Variants in PRKD1 observed in about 807,000 individuals in gnomAD.
PRKD1 encodes the protein serine/threonine-protein kinase D1.
Under a neutral mutation model 95.9 loss-of-function variants are expected in PRKD1, and 63 were observed. That is an observed-to-expected ratio of 0.66 (90% CI 0.54 to 0.81). The LOEUF (loss-of-function observed/expected upper bound fraction) is 0.81, where lower values mean the gene tolerates loss of function less well. PRKD1 is among the 30% of genes least tolerant of loss of function. The probability of loss-of-function intolerance (pLI) is 0.00; values close to 1 mark genes in which losing one functional copy is unlikely to be tolerated. For missense variants in PRKD1, 1,048 were observed against 1,165.3 expected (o/e 0.90, Z 1.47); for synonymous variants, 425 against 423.1 (o/e 1.00, Z -0.05).
chr14:29,855,062 T>A (rs1228806609), intron 1 of PRKD1, among the ~76,000 whole-genome samples: 1 of 152,226 alleles, frequency 6.6e-6, no homozygotes, highest in Non-Finnish European at 1.5e-5. Flanking sequence ...GAAACTCTGC[T>A]AGTGTAGTGT....
At chr14:29,875,879 C>T (rs1893267971) in intron 1 of PRKD1, among the ~76,000 whole-genome samples, 1 of 152,152 alleles carries the variant, frequency 6.6e-6, no homozygotes, top group Admixed American at 6.5e-5. Flanking sequence ...TATTTCAAGT[C>T]TTCTCCAAGC....
At chr14:29,820,541 C>A (rs1890872023) in intron 1 of PRKD1, among the ~76,000 whole-genome samples, 1 of 152,072 alleles carries the variant, frequency 6.6e-6, no homozygotes, top group African/African-American at 2.4e-5. Flanking sequence ...AAGGGAATTC[C>A]AGGTAAAATC....
intron 1 of PRKD1, among the ~76,000 whole-genome samples, chr14:29,916,924 C>T (rs892729858): frequency 2.0e-5 from 3 of 152,096 alleles, no homozygotes; most frequent in African/African-American, 7.2e-5. Context: ...ACCATGATCT[C>T]CTAACACTCT....
At chr14:29,627,785 T>C (rs1879722556) in intron 11 of PRKD1, among the ~76,000 whole-genome samples, 1 of 152,130 alleles carries the variant, frequency 6.6e-6, no homozygotes, top group South Asian at 2.1e-4. Flanking sequence ...CCCTAGAAAA[T>C]AACTACAAGT....
In PRKD1 at chr14:29,623,173, TA is replaced by T. The variant is rs201410330; in HGVS notation, c.1905+978del. ...GCATTGTGAGTCCTCTGTGCTCCAT[TA>T]GTTGTCCAGAGACACAAAAACATCA... On this transcript the variant is annotated intron_variant, in intron 13 of 17. Coordinates refer to ENST00000331968, the MANE Select transcript of PRKD1 (RefSeq NM_002742.3). 2.9e-3 allele frequency among the ~76,000 whole-genome samples: 436 copies of T among 152,316 alleles called. 1 individual carries two copies. Among genetic ancestry groups the T allele is most frequent in the African/African-American group, 9.2e-3 (383 of 41,570 alleles).
At position 29,765,789 on chromosome 14, in the gene PRKD1, T is replaced by C. The variant is rs913080345; in HGVS notation, c.265-40115A>G. 3.3e-5 allele frequency among the ~76,000 whole-genome samples: 5 copies of C among 152,350 alleles called. No individual in the cohort carries two copies. The East Asian group carries it at 9.6e-4, about 29-fold the overall frequency. On this transcript the variant is annotated intron_variant, in intron 1 of 17. Transcript: ENST00000331968. ...AGTCATTAAAACATCTACAGTACGATTCCTTTTATATAAAATTCAAAAACA... is the reference window on the plus strand; with the variant it reads ...AGTCATTAAAACATCTACAGTACGACTCCTTTTATATAAAATTCAAAAACA...
chr14:29,882,713 C>T (rs1348700129), intron 1 of PRKD1, among the ~76,000 whole-genome samples: 8 of 152,218 alleles, frequency 5.3e-5, no homozygotes, highest in East Asian at 3.8e-4. Context: ...TATTTGACTA[C>T]ACTAGACACC....
intron 1 of PRKD1, among the ~76,000 whole-genome samples, chr14:29,734,443 C>T (rs1207731172): frequency 6.6e-6 from 1 of 151,984 alleles, no homozygotes; most frequent in African/African-American, 2.4e-5. Context: ...TTTGTCTTGG[C>T]AGAACATTAA....
intron 4 of PRKD1, among the ~76,000 whole-genome samples, chr14:29,647,938 C>T (rs1196490469): frequency 6.6e-6 from 1 of 152,196 alleles, no homozygotes; most frequent in African/African-American, 2.4e-5. Context: ...AGAACAAAAG[C>T]AGTTAATCAT....
intron 2 of PRKD1, among the ~76,000 whole-genome samples, chr14:29,722,219 A>G (rs148273514): frequency 2.7e-3 from 410 of 152,334 alleles, no homozygotes; most frequent in Admixed American, 8.0e-3. Context: ...ATAAGGAAAA[A>G]GAAAGTTCAG....
Position 29,840,507 on chromosome 14 carries a change from T to C in PRKD1, c.264+86742A>G, listed in dbSNP as rs149734939. On this transcript the variant is annotated intron_variant, in intron 1 of 17. Coordinates refer to ENST00000331968, the MANE Select transcript of PRKD1 (RefSeq NM_002742.3). ...CTCTGCCTGTTACTCAGTTCCAAAG[T>C]TGCTTCCACATTTATGGGTATCTTT... is the stretch of plus-strand genomic sequence containing the variant. Among the ~76,000 whole-genome samples, 876 of 152,302 alleles carry C rather than the reference T, an allele frequency of 5.8e-3. 6 individuals carry two copies. Among genetic ancestry groups the C allele is most frequent in the African/African-American group, 0.02 (840 of 41,570 alleles).
At chr14:29,591,427 G>A (rs753745131) in intron 16 of PRKD1, 37 of 152,190 alleles carry the variant, frequency 2.4e-4, no homozygotes, top group Middle Eastern at 3.4e-3. Flanking sequence ...TCTATCAGCT[G>A]TAAGTTATTT....
At chr14:29,792,825 A>G (rs779328429) in intron 1 of PRKD1, among the ~76,000 whole-genome samples, 1 of 152,078 alleles carries the variant, frequency 6.6e-6, no homozygotes, top group Non-Finnish European at 1.5e-5. Flanking sequence ...AAATAATTCA[A>G]ATTGACTTAG....
intron 1 of PRKD1, among the ~76,000 whole-genome samples, chr14:29,880,032 G>A (rs897282454): frequency 2.6e-5 from 4 of 152,208 alleles, no homozygotes; most frequent in Non-Finnish European, 5.9e-5. Context: ...TGATGATGCA[G>A]TAGAAAAGAA....
intron 1 of PRKD1, among the ~76,000 whole-genome samples, chr14:29,739,561 G>A (rs1275106122): frequency 2.0e-5 from 3 of 152,146 alleles, no homozygotes; most frequent in African/African-American, 7.2e-5. Context: ...AGTCTGCCTG[G>A]AATCTTTTGA....
At chr14:29,810,355 A>G (rs1254221261) in intron 1 of PRKD1, among the ~76,000 whole-genome samples, 1 of 152,206 alleles carries the variant, frequency 6.6e-6, no homozygotes, top group Non-Finnish European at 1.5e-5. Context: ...GTGAACAGCA[A>G]TATAAAGACG....
chr14:29,626,580 A>C, intron 11 of PRKD1, 24 bp from the exon 12 acceptor site: 1 of 1,510,654 alleles, frequency 6.6e-7, no homozygotes. Context: ...CCCAATGAAA[A>C]AAAAACATGA....
intron 1 of PRKD1, among the ~76,000 whole-genome samples, chr14:29,801,957 G>A (rs573254306): frequency 4.6e-5 from 7 of 152,328 alleles, no homozygotes; most frequent in African/African-American, 1.7e-4. Context: ...CAAAGTGCTG[G>A]GATTACAGGC....
chr14:29,925,438 T>C (rs1895263454), intron 1 of PRKD1, among the ~76,000 whole-genome samples: 1 of 152,158 alleles, frequency 6.6e-6, no homozygotes, highest in Non-Finnish European at 1.5e-5. Context: ...GTACTTCCCT[T>C]AAATACCCAG....
Sources: gnomAD v4.1 joint callset for allele counts (sites outside exome capture counted in the v4.1 genomes callset) on GRCh38, gnomAD v4.1.1 for gene constraint, MANE v1.5 for transcripts, NCBI Gene and HGNC (gene_info 2026-07-23, HGNC 2026-07-21) for gene names.